Variants in CAMK1 observed in about 807,000 individuals in gnomAD.
The protein encoded by CAMK1 is calcium/calmodulin-dependent protein kinase type 1.
CAMK1 carries 39 observed loss-of-function variants against 49.1 expected under a neutral mutation model. That is an observed-to-expected ratio of 0.79 (90% CI 0.62 to 1.04). The LOEUF (loss-of-function observed/expected upper bound fraction) is 1.04. Ranked by LOEUF, CAMK1 falls within the 50% of genes least tolerant of loss-of-function variation. CAMK1 has a pLI of 0.00. For missense variants in CAMK1, 457 were observed against 472.2 expected, an observed-to-expected ratio of 0.97 and a Z score of 0.30; for synonymous variants, 192 against 185.2, an observed-to-expected ratio of 1.04 and a Z score of -0.30.
Position 9,762,868 on chromosome 3 carries a change from C to T in CAMK1, c.429+46G>A, listed in dbSNP as rs1320690272. ...TCAGACAGTTTGGGGTTTGCAAAGG[C>T]CCCACCCCTGGGTACCCTAGCTCAC... is the stretch of plus-strand genomic sequence containing the variant. On this transcript the variant is annotated intron_variant, in intron 5 of 11. Transcript: ENST00000256460. The T allele has an allele frequency of 1.9e-6, 3 of 1,598,422 alleles. No homozygotes were observed. The East Asian group carries it at 6.7e-5, about 36-fold the overall frequency.
intron 3 of CAMK1, among the ~76,000 whole-genome samples, chr3:9,764,930 C>G (rs2078079927): frequency 2.6e-5 from 4 of 152,060 alleles, no homozygotes; most frequent in Admixed American, 1.3e-4. Context: ...CTCTCTGGGT[C>G]TTATTAGAAA....
intron 10 of CAMK1, chr3:9,758,098 A>C: frequency 2.2e-6 from 1 of 461,210 alleles, no homozygotes; most frequent in South Asian, 3.2e-5. Context: ...TCATATTAAT[A>C]TGTAATAGCA....
intron 8 of CAMK1, chr3:9,760,301 G>A (rs933610774): frequency 8.4e-6 from 2 of 236,774 alleles, no homozygotes; most frequent in Non-Finnish European, 1.7e-5. Flanking sequence ...CATTCACACT[G>A]ATGATAAACG....
intron 3 of CAMK1, among the ~76,000 whole-genome samples, chr3:9,764,974 C>T (rs1363062618): frequency 6.6e-6 from 1 of 151,940 alleles, no homozygotes; most frequent in Non-Finnish European, 1.5e-5. Context: ...GTGGCTCATG[C>T]CTAGCACTTT....
intron 3 of CAMK1, among the ~76,000 whole-genome samples, chr3:9,764,048 A>G (rs1276297053): frequency 6.6e-6 from 1 of 152,220 alleles, no homozygotes; most frequent in Non-Finnish European, 1.5e-5. Context: ...CCCACCAGAC[A>G]TAAGCTCCCC....
At chr3:9,764,578 C>A (rs1469005081) in intron 3 of CAMK1, among the ~76,000 whole-genome samples, 2 of 145,804 alleles carry the variant, frequency 1.4e-5, no homozygotes, top group Non-Finnish European at 3.0e-5. Context: ...TCTCAAAGTG[C>A]TGGGATTACA....
At chr3:9,765,633 C>G in intron 3 of CAMK1, 126 bp downstream of exon 3, 1 of 1,139,844 alleles carries the variant, frequency 8.8e-7, no homozygotes, top group Non-Finnish European at 1.2e-6. Flanking sequence ...ATTGTGATCC[C>G]CATTTTATAA....
At position 9,768,268 on chromosome 3, in the gene CAMK1, C is replaced by T. The variant is rs2078210020; in HGVS notation, c.-32-487G>A. On this transcript the variant is annotated intron_variant, in intron 1 of 11. Coordinates refer to ENST00000256460, the MANE Select transcript of CAMK1 (RefSeq NM_003656.5). The stretch of plus-strand genomic sequence containing the variant: ...TCAGGTTTCCAGCAGCCTGGGCTTC[C>T]AGCAACATCTCAGCCACATTTTTAA... Among the ~76,000 whole-genome samples, 2 of 152,212 alleles carry T rather than the reference C, an allele frequency of 1.3e-5. 1 individual carries two copies. The highest frequency in any genetic ancestry group is 4.1e-4 in the South Asian group (2 of 4,828).
rs1251121659 is a variant in CAMK1, at chr3:9,761,709, T to C, written c.478A>G (p.Ile160Val). The C allele has an allele frequency of 1.9e-6, 3 of 1,613,984 alleles. No homozygotes were observed. In the African/African-American group the frequency reaches 4.0e-5, roughly 22 times the overall value. ...YSLDEDSKIM[I>V]SDFGLSKMED... is the part of the protein sequence containing the mutation. Reference sequence around the variant, plus strand: ...ATCTTGGAGAGGCCAAAGTCGGAGATCATGATTTTGGAGTCTTCATCCAGG... The same window carrying C: ...ATCTTGGAGAGGCCAAAGTCGGAGACCATGATTTTGGAGTCTTCATCCAGG... Residue 160 changes from isoleucine (I) to valine (V), a missense_variant, in exon 6 of 12, where the codon ATC becomes GTC. Coordinates refer to ENST00000256460, the MANE Select transcript of CAMK1 (RefSeq NM_003656.5).
Position 9,759,510 on chromosome 3 carries a change from T to C in CAMK1, c.890A>G (p.Asn297Ser). Residue 297 changes from asparagine (N) to serine (S), a missense_variant, in exon 10 of 12, where the codon AAC (asparagine) becomes AGC (serine). Coordinates refer to ENST00000256460, the MANE Select transcript of CAMK1 (RefSeq NM_003656.5). ...HQSVSEQIKK[N>S]FAKSKWKQAF... ...CACCTTCCACTTGCTCTTGGCAAAG[T>C]TCTTCTTGATCTGCTCACTCACCGA... The C allele has an allele frequency of 6.2e-7, 1 of 1,614,086 alleles. No homozygotes were observed. The highest frequency in any genetic ancestry group is 8.5e-7 in the Non-Finnish European group (1 of 1,179,988).
At chr3:9,764,349 G>A (rs1434324971) in intron 3 of CAMK1, among the ~76,000 whole-genome samples, 1 of 152,216 alleles carries the variant, frequency 6.6e-6, no homozygotes, top group Non-Finnish European at 1.5e-5. Flanking sequence ...AGGCTGGAGT[G>A]TTGCCCAGGC....
rs1559690909 is a variant in CAMK1 at position 9,757,376 on chromosome 3, G to T, written c.*163C>A. ...TTTATCTTCCCTTTATTACAAGAAG[G>T]AACAATAAAATAGAAACATTTGTAT... On this transcript the variant is annotated 3_prime_UTR_variant, in exon 12 of 12. Coordinates refer to ENST00000256460, the MANE Select transcript of CAMK1 (RefSeq NM_003656.5). The surrounding 1 kb of genome is among the most constrained non-coding windows in gnomAD (Gnocchi z 4.5). The T allele has an allele frequency of 6.2e-7, 1 of 1,613,430 alleles. No homozygotes were observed.
intron 5 of CAMK1, 195 bp from the exon 6 acceptor site, chr3:9,761,952 G>C (rs564224182): frequency 1.4e-5 from 10 of 695,372 alleles, no homozygotes; most frequent in African/African-American, 7.2e-5. Flanking sequence ...AAGAGGGTGT[G>C]GGGGGGAACT....
chr3:9,762,932 A>G lies in CAMK1; in HGVS notation c.411T>C (p.Ile137=). 6 of 1,614,080 alleles carry G rather than the reference A, an allele frequency of 3.7e-6. No homozygotes were observed. Among genetic ancestry groups the G allele is most frequent in the Non-Finnish European group, 5.1e-6 (6 of 1,180,024 alleles). ...GCCCCACCTTGAGATCCCGGTGTAC[A>G]ATGCCCAGGTCATGCAGGTATTTCA... ...DAVKYLHDLG[I]VHRDLKPENL... is the part of the protein sequence containing the mutation. The change falls in exon 5 of 12, where the codon ATT becomes ATC. Residue 137 remains isoleucine (I), a synonymous_variant. Coordinates refer to ENST00000256460, the MANE Select transcript of CAMK1 (RefSeq NM_003656.5).
At position 9,762,988 on chromosome 3, in the gene CAMK1, T is replaced by C; in HGVS notation, c.355A>G (p.Ser119Gly). Residue 119 changes from serine to glycine, a missense_variant, in exon 5 of 12, where the codon AGC becomes GGC. Transcript: ENST00000256460. The part of the protein sequence containing the change: ...EKGFYTERDA[S>G]RLIFQVLDAV... ...TCCAGCACCTGGAAGATGAGGCGGC[T>C]GGCGTCCCGCTCCGTGTAGAAGCCT... 2 of 1,614,158 alleles carry C rather than the reference T, an allele frequency of 1.2e-6. No individual in the cohort carries two copies. The highest frequency in any genetic ancestry group is 8.5e-7 in the Non-Finnish European group (1 of 1,180,036).
intron 10 of CAMK1, chr3:9,759,135 T>C (rs2077725855): frequency 6.3e-6 from 9 of 1,426,002 alleles, no homozygotes; most frequent in Non-Finnish European, 8.9e-6. Context: ...CTTCCCGGAA[T>C]GGCTATAGAC....
rs1278899058 is a variant in CAMK1, at chr3:9,760,974, G to A, written c.633-206C>T. 2.1e-5 allele frequency: 14 copies of A among 673,176 alleles called. No individual in the cohort carries two copies. The East Asian group carries it at 3.8e-4, about 18-fold the overall frequency. The allele number at this position is 673,176 out of a possible 1,614,324, so 41.7% of individuals were successfully genotyped here. ...GTGCCGCCATCTTGCCCTCCTCAGG[G>A]CCTTTGCACTTGCCATTGCTTCTGC... On this transcript the variant is annotated intron_variant, in intron 7 of 11. Transcript: ENST00000256460.
chr3:9,759,444 G>C (rs760975814), intron 10 of CAMK1, 44 bp downstream of exon 10: 172 of 1,612,952 alleles, frequency 1.1e-4, no homozygotes, highest in Non-Finnish European at 1.3e-4. Flanking sequence ...GGATGGGGAG[G>C]AGTCCTGGGG....
intron 7 of CAMK1, chr3:9,761,230 G>C: frequency 2.1e-6 from 1 of 478,830 alleles, no homozygotes; most frequent in Non-Finnish European, 3.7e-6. Context: ...AGCTCCCTGA[G>C]GGCAGGCACT....
Sources: gnomAD v4.1 joint callset for allele counts (sites outside exome capture counted in the v4.1 genomes callset) on GRCh38, gnomAD v4.1.1 for gene constraint, Gnocchi (gnomAD v3.1) non-coding constraint, MANE v1.5 for transcripts, NCBI Gene and HGNC (gene_info 2026-07-23, HGNC 2026-07-21) for gene names.